Variants in DGCR2 observed in about 807,000 individuals in gnomAD.
DGCR2 encodes DiGeorge syndrome critical region gene 2.
Under a neutral mutation model 51.6 loss-of-function variants are expected in DGCR2, and 24 were observed. The ratio of observed to expected loss-of-function variants is 0.47; its 90% CI spans 0.34 to 0.65. The LOEUF (loss-of-function observed/expected upper bound fraction) is 0.65. Among genes scored for constraint, DGCR2 ranks in the 30% least tolerant of loss-of-function variants. The pLI is 0.01. For synonymous variants in DGCR2, 340 were observed against 315.4 expected, an observed-to-expected ratio of 1.08 and a Z score of -0.82; for missense variants, 765 against 772.1, an observed-to-expected ratio of 0.99 and a Z score of 0.11.
intron 5 of DGCR2, 82 bp downstream of exon 5, chr22:19,063,120 T>A: frequency 7.4e-7 from 1 of 1,353,348 alleles, no homozygotes; most frequent in Non-Finnish European, 1.1e-6. Flanking sequence ...CAGGCAGCAC[T>A]GGGTAAGAGG....
At chr22:19,061,623 C>G (rs748263389) in intron 5 of DGCR2, 2 of 152,236 alleles carry the variant, frequency 1.3e-5, no homozygotes, top group African/African-American at 2.4e-5. Context: ...AAGCCCAGAA[C>G]CACTCATGAT....
intron 1 of DGCR2, among the ~76,000 whole-genome samples, chr22:19,102,559 G>A (rs912341882): frequency 5.3e-5 from 8 of 152,036 alleles, no homozygotes; most frequent in South Asian, 2.1e-4. Context: ...AAAATTAGCC[G>A]GGCATGGTGG....
rs993988374 is a variant in DGCR2, at chr22:19,041,373, C to G, written c.1160-79G>C. On this transcript the variant is annotated intron_variant, in intron 8 of 9. Coordinates refer to ENST00000263196, the MANE Select transcript of DGCR2 (RefSeq NM_005137.3). ...TGCCTGGCTCCTGAGCCCCCCACCC[C>G]CAGGCTGGGCCTGCCGTCCCTGAGT... 2.5e-5 allele frequency: 36 copies of G among 1,424,118 alleles called. 1 individual carries two copies. In the Middle Eastern group the frequency reaches 7.3e-4, roughly 29 times the overall value. 88.2% of individuals were successfully genotyped at this position (1,424,118 alleles called of 1,614,324 possible).
chr22:19,041,015 G>GCC lies in DGCR2; in HGVS notation c.1396+42_1396+43insGG, dbSNP rs1569034127. The GCC allele has an allele frequency of 3.3e-6, 5 of 1,517,906 alleles. No homozygotes were observed. In the Admixed American group the frequency reaches 9.2e-5, roughly 28 times the overall value. 94.0% of individuals were successfully genotyped at this position (1,517,906 alleles called of 1,614,324 possible). On this transcript the variant is annotated intron_variant, in intron 9 of 9. Transcript: ENST00000263196. Reference sequence around the variant, plus strand: ...GTGCTGGGCTCAGCCCCACGTGCCAGGTTACTTGACAAGGTGTTCCCTCTC... The same window carrying GCC: ...GTGCTGGGCTCAGCCCCACGTGCCAGCCGTTACTTGACAAGGTGTTCCCTCTC...
chr22:19,080,116 A>T (rs1021165863), intron 2 of DGCR2, among the ~76,000 whole-genome samples: 11 of 152,194 alleles, frequency 7.2e-5, no homozygotes, highest in African/African-American at 2.7e-4. Flanking sequence ...CTGGGAAAAC[A>T]CCTGGCTGCT....
intron 5 of DGCR2, 72 bp downstream of exon 5, chr22:19,063,130 G>T (rs1035884551): frequency 2.1e-6 from 3 of 1,417,986 alleles, no homozygotes; most frequent in Admixed American, 3.4e-5. Context: ...TGGGTAAGAG[G>T]GAGGAGGGGA....
chr22:19,096,577 C>T (rs1478055119), intron 1 of DGCR2, among the ~76,000 whole-genome samples: 2 of 151,244 alleles, frequency 1.3e-5, no homozygotes, highest in African/African-American at 4.9e-5. Flanking sequence ...ACACATGTAA[C>T]TACTGTGTCC....
intron 7 of DGCR2, among the ~76,000 whole-genome samples, chr22:19,043,599 A>C (rs2082456738): frequency 6.6e-6 from 1 of 152,098 alleles, no homozygotes; most frequent in Non-Finnish European, 1.5e-5. Context: ...CAAAACGAGG[A>C]GTGACCCATC....
rs575585418 is a variant in DGCR2, at chr22:19,039,143, T to C, written c.1397-22A>G. On this transcript the variant is annotated intron_variant, in intron 9 of 9. Transcript: ENST00000263196. The stretch of plus-strand genomic sequence containing the variant: ...TCGTCTGCAGGAAGAGACAGAGGGG[T>C]GTCAGAGGCAGGTACGGGCCTGGCA... 6 of 1,611,520 alleles carry C rather than the reference T, an allele frequency of 3.7e-6. No individual in the cohort carries two copies. The African/African-American group carries it at 8.0e-5, about 22-fold the overall frequency.
chr22:19,048,524 CCA>C lies in DGCR2; in HGVS notation c.920_921del (p.Val307GlyfsTer5), dbSNP rs760123172. ...TCHGGEPEMC[V>X]AALCERPQGC... ...CCCTGGGGCCTCTCACAGAGAGCAG[CCA>C]CACACATCTCAGGCTCCCCTCCATG... On this transcript the variant is annotated frameshift_variant, in exon 7 of 10. Coordinates refer to ENST00000263196, the MANE Select transcript of DGCR2 (RefSeq NM_005137.3). LOFTEE classifies it high-confidence loss of function. 1 of 1,614,094 alleles carries C rather than the reference CCA, an allele frequency of 6.2e-7. No individual in the cohort carries two copies. The highest frequency in any genetic ancestry group is 8.5e-7 in the Non-Finnish European group (1 of 1,180,032).
intron 6 of DGCR2, among the ~76,000 whole-genome samples, chr22:19,053,260 A>T (rs2082568218): frequency 6.6e-6 from 1 of 152,198 alleles, no homozygotes; most frequent in Non-Finnish European, 1.5e-5. Context: ...CTTAAGGCTC[A>T]GATACAGTTA....
At chr22:19,109,728 G>T (rs745718855) in intron 1 of DGCR2, among the ~76,000 whole-genome samples, 16 of 152,146 alleles carry the variant, frequency 1.1e-4, no homozygotes, top group East Asian at 3.9e-4. Flanking sequence ...TGGCACTACT[G>T]AACACTGAAT....
rs575099041 is a variant in DGCR2 at position 19,068,325 on chromosome 22, G to C, written c.203-100C>G. On this transcript the variant is annotated intron_variant, in intron 2 of 9. Coordinates refer to ENST00000263196, the MANE Select transcript of DGCR2 (RefSeq NM_005137.3). ...CCACTCAGGGCTGCAAGGCCGGAGGGGGGGCCTGTAGCACAGAGTCCGGCA... is the reference window on the plus strand; with the variant it reads ...CCACTCAGGGCTGCAAGGCCGGAGGCGGGGCCTGTAGCACAGAGTCCGGCA... 192 of 1,353,966 alleles carry C rather than the reference G, an allele frequency of 1.4e-4. 2 individuals are homozygous for C. The Middle Eastern group carries it at 4.2e-3, about 30-fold the overall frequency. The allele number at this position is 1,353,966 out of a possible 1,614,324, so 83.9% of individuals were successfully genotyped here. A position where few individuals can be genotyped will look rare whatever the true frequency, so the allele number is the denominator to read the frequency against.
At chr22:19,049,681 G>C (rs2082528132) in intron 6 of DGCR2, among the ~76,000 whole-genome samples, 1 of 152,132 alleles carries the variant, frequency 6.6e-6, no homozygotes, top group African/African-American at 2.4e-5. Context: ...ACAAAAATTA[G>C]CCAAGCGTGG....
At chr22:19,111,240 C>T (rs1472846787) in intron 1 of DGCR2, among the ~76,000 whole-genome samples, 1 of 152,172 alleles carries the variant, frequency 6.6e-6, no homozygotes, top group South Asian at 2.1e-4. Context: ...ATTGATCACC[C>T]AAGCCCAAAG....
chr22:19,058,045 C>T (rs977531058), intron 5 of DGCR2, among the ~76,000 whole-genome samples: 1 of 152,222 alleles, frequency 6.6e-6, no homozygotes, highest in African/African-American at 2.4e-5. Context: ...TGCTCTCCCC[C>T]TCCTAAGACA....
chr22:19,045,891 T>A (rs2082484041), intron 7 of DGCR2, among the ~76,000 whole-genome samples: 1 of 152,140 alleles, frequency 6.6e-6, no homozygotes, highest in Non-Finnish European at 1.5e-5. Flanking sequence ...CATACCCAAC[T>A]AATTTTTTGT....
chr22:19,041,602 T>C, intron 8 of DGCR2: 1 of 647,714 alleles, frequency 1.5e-6, no homozygotes, highest in Non-Finnish European at 2.6e-6. Context: ...GGCCTCCGAG[T>C]TCTGCCCACC....
chr22:19,067,378 A>C (rs2082761644), intron 3 of DGCR2, among the ~76,000 whole-genome samples: 1 of 152,182 alleles, frequency 6.6e-6, no homozygotes, highest in African/African-American at 2.4e-5. Flanking sequence ...AATTTATTAA[A>C]TAACTAATCA....
Sources: allele counts gnomAD v4.1 joint callset (sites outside exome capture counted in the v4.1 genomes callset), GRCh38; gene constraint gnomAD v4.1.1; transcripts MANE v1.5; gene names NCBI Gene and HGNC (gene_info 2026-07-23, HGNC 2026-07-21).